CAMK2D: variants seen among roughly 807,000 people sequenced by gnomAD.
CAMK2D encodes the protein calcium/calmodulin-dependent protein kinase type II subunit delta.
Under a neutral mutation model 84.0 loss-of-function variants are expected in CAMK2D, and 37 were observed. The observed-to-expected ratio is 0.44, with a 90% confidence interval of 0.34 to 0.58. CAMK2D has a LOEUF of 0.58. CAMK2D is among the 20% of genes least tolerant of loss of function. The pLI, the probability that CAMK2D is intolerant of heterozygous loss-of-function variation, is 0.02. For synonymous variants in CAMK2D, 202 were observed against 212.5 expected, an observed-to-expected ratio of 0.95 and a Z score of 0.43; for missense variants, 448 against 652.5, an observed-to-expected ratio of 0.69 and a Z score of 3.41.
At chr4:113,464,305 C>T (rs1449274861) in intron 17 of CAMK2D, among the ~76,000 whole-genome samples, 2 of 152,024 alleles carry the variant, frequency 1.3e-5, no homozygotes, top group Non-Finnish European at 2.9e-5. Flanking sequence ...TGTTCTTTAC[C>T]TATTTTTCTA....
intron 6 of CAMK2D, among the ~76,000 whole-genome samples, chr4:113,544,795 C>T (rs1224046910): frequency 1.3e-5 from 2 of 152,076 alleles, no homozygotes; most frequent in African/African-American, 4.8e-5. Flanking sequence ...ATTGGCCTGC[C>T]ACTGGACACA....
At chr4:113,744,208 T>C (rs1427437237) in intron 2 of CAMK2D, among the ~76,000 whole-genome samples, 1 of 152,208 alleles carries the variant, frequency 6.6e-6, no homozygotes, top group Admixed American at 6.5e-5. Flanking sequence ...AAGAAAGTCA[T>C]TAATTCTTTA....
At chr4:113,739,536 T>TA (rs778145591) in intron 2 of CAMK2D, among the ~76,000 whole-genome samples, 1 of 152,210 alleles carries the variant, frequency 6.6e-6, no homozygotes, top group East Asian at 1.9e-4. Context: ...ATCAATAGTC[T>TA]AAAAAAAGTC....
chr4:113,725,017 C>T (rs2099541786), intron 2 of CAMK2D, among the ~76,000 whole-genome samples: 1 of 151,910 alleles, frequency 6.6e-6, no homozygotes, highest in African/African-American at 2.4e-5. Flanking sequence ...AGATCGTTTT[C>T]TCCATTCAGC....
At chr4:113,560,560 T>C (rs1034675310) in intron 4 of CAMK2D, among the ~76,000 whole-genome samples, 1 of 152,182 alleles carries the variant, frequency 6.6e-6, no homozygotes, top group Non-Finnish European at 1.5e-5. Flanking sequence ...AGGAAATATG[T>C]ATACTTGTAA....
At chr4:113,707,315 T>C (rs1240565645) in intron 2 of CAMK2D, among the ~76,000 whole-genome samples, 1 of 152,054 alleles carries the variant, frequency 6.6e-6, no homozygotes, top group Non-Finnish European at 1.5e-5. Flanking sequence ...ATGAAAGGGT[T>C]GGAAAAAGAA....
chr4:113,736,805 A>C (rs1361418367), intron 2 of CAMK2D, among the ~76,000 whole-genome samples: 1 of 152,228 alleles, frequency 6.6e-6, no homozygotes, highest in Non-Finnish European at 1.5e-5. Context: ...AAGTTTAAAA[A>C]GGCAAAAATA....
rs190676345 is a variant in CAMK2D, at chr4:113,670,820, C to T, written c.161-9048G>A. On this transcript the variant is annotated intron_variant, in intron 2 of 20. Coordinates refer to ENST00000511664, the MANE Select transcript of CAMK2D (RefSeq NM_001321571.2). ...GTGGGCGCCTGTTGTCCTGGCTACT[C>T]GGGAGGCTGAGGCAGGAGAATGGCA... 5.0e-3 allele frequency among the ~76,000 whole-genome samples: 759 copies of T among 151,284 alleles called. 3 individuals carry two copies. The highest frequency in any genetic ancestry group is 8.7e-3 in the Non-Finnish European group (590 of 67,850).
intron 2 of CAMK2D, among the ~76,000 whole-genome samples, chr4:113,693,698 T>G (rs2099394842): frequency 6.6e-6 from 1 of 152,176 alleles, no homozygotes; most frequent in Admixed American, 6.6e-5. Flanking sequence ...CTGTGAAATC[T>G]GAGGACAGAT....
chr4:113,589,459 T>G (rs1229350198), intron 4 of CAMK2D, among the ~76,000 whole-genome samples: 1 of 152,204 alleles, frequency 6.6e-6, no homozygotes, highest in Non-Finnish European at 1.5e-5. Context: ...TAAGGCAGTA[T>G]GGCTGGAGCG....
chr4:113,552,735 T>G (rs981056785), intron 4 of CAMK2D, among the ~76,000 whole-genome samples: 23 of 152,144 alleles, frequency 1.5e-4, no homozygotes, highest in Admixed American at 3.9e-4. Context: ...TGCACACACG[T>G]GTATGTGCAT....
rs1466711439 is a variant in CAMK2D, at chr4:113,502,947, C to G, written c.1075G>C (p.Asp359His). 1.2e-6 allele frequency: 2 copies of G among 1,606,834 alleles called. No individual in the cohort carries two copies. The highest frequency in any genetic ancestry group is 2.2e-5 in the South Asian group (2 of 90,922). ...EPQTTVIHNP[D>H]GNKESTESSN... ...TTCTTTCTGAATACCTTGTTTCCAT[C>G]AGGGTTGTGGATTACAGTAGTTTGG... The change falls in exon 15 of 21, where the codon GAT (aspartate) becomes CAT (histidine). Residue 359 changes from aspartate (D) to histidine (H), a missense_variant. By Grantham distance (81) the Asp-to-His change is moderately conservative. Around this residue, in one of 7 missense-constraint regions of CAMK2D, gnomAD observed 219 missense variants for 272.1 expected, o/e 0.80. Coordinates refer to ENST00000511664, the MANE Select transcript of CAMK2D (RefSeq NM_001321571.2).
At chr4:113,646,329 A>T (rs1457060865) in intron 3 of CAMK2D, among the ~76,000 whole-genome samples, 1 of 152,238 alleles carries the variant, frequency 6.6e-6, no homozygotes, top group Non-Finnish European at 1.5e-5. Flanking sequence ...TTTAGGTACA[A>T]TAATAAACAA....
At chr4:113,755,185 C>T (rs1471062027) in intron 2 of CAMK2D, 8 of 246,102 alleles carry the variant, frequency 3.3e-5, no homozygotes, top group Non-Finnish European at 4.5e-5. Flanking sequence ...CACACACACA[C>T]ACACACACAC....
intron 2 of CAMK2D, among the ~76,000 whole-genome samples, chr4:113,679,032 A>G (rs997613973): frequency 6.6e-6 from 1 of 152,124 alleles, no homozygotes; most frequent in Non-Finnish European, 1.5e-5. Context: ...GTTTTTATAT[A>G]ATACTTTATG....
intron 3 of CAMK2D, among the ~76,000 whole-genome samples, chr4:113,613,796 T>G (rs2099010495): frequency 6.6e-6 from 1 of 152,114 alleles, no homozygotes. Flanking sequence ...ATATCATAAA[T>G]TTAAATCATT....
intron 2 of CAMK2D, among the ~76,000 whole-genome samples, chr4:113,740,563 T>G (rs951530275): frequency 6.6e-6 from 1 of 152,106 alleles, no homozygotes; most frequent in African/African-American, 2.4e-5. Flanking sequence ...CCTGGACTCT[T>G]GATTTCCCAT....
At chr4:113,472,310 T>C (rs941208722) in intron 16 of CAMK2D, among the ~76,000 whole-genome samples, 4 of 152,194 alleles carry the variant, frequency 2.6e-5, no homozygotes, top group African/African-American at 9.7e-5. Flanking sequence ...AATGCAAGTA[T>C]GTAGACAATT....
At chr4:113,637,005 A>C (rs2099112455) in intron 3 of CAMK2D, among the ~76,000 whole-genome samples, 1 of 152,116 alleles carries the variant, frequency 6.6e-6, no homozygotes, top group African/African-American at 2.4e-5. Flanking sequence ...ATAAACCCCC[A>C]TCTCACTACC....
Sources: gnomAD v4.1 joint callset for allele counts (sites outside exome capture counted in the v4.1 genomes callset) on GRCh38, gnomAD v4.1.1 for gene constraint, gnomAD v4.1.1 regional missense constraint, MANE v1.5 for transcripts, NCBI Gene and HGNC (gene_info 2026-07-23, HGNC 2026-07-21) for gene names.